Variants in MTMR12 observed in about 807,000 individuals in gnomAD.
MTMR12 encodes the protein myotubularin related protein 12.
A neutral mutation model predicts 96.7 loss-of-function variants in MTMR12; 33 were observed. That is an observed-to-expected ratio of 0.34 (90% CI 0.26 to 0.46). MTMR12 has a LOEUF of 0.46. Ranked by LOEUF, MTMR12 falls within the 20% of genes least tolerant of loss-of-function variation. MTMR12 has a pLI of 1.00. For synonymous variants in MTMR12, 298 were observed against 327.2 expected (o/e 0.91, Z 0.96); for missense variants, 721 against 896.1 (o/e 0.80, Z 2.49).
intron 5 of MTMR12, among the ~76,000 whole-genome samples, chr5:32,270,522 C>T (rs1749790004): frequency 6.6e-6 from 1 of 152,226 alleles, no homozygotes; most frequent in Non-Finnish European, 1.5e-5. Flanking sequence ...CTCATCCTTT[C>T]TTCATTTTCC....
intron 2 of MTMR12, among the ~76,000 whole-genome samples, chr5:32,275,278 C>T (rs1750007192): frequency 6.6e-6 from 1 of 152,100 alleles, no homozygotes; most frequent in Non-Finnish European, 1.5e-5. Context: ...CAAGAGATCA[C>T]AGTTTGAAGG....
intron 1 of MTMR12, among the ~76,000 whole-genome samples, chr5:32,304,888 G>C (rs1263184647): frequency 1.3e-5 from 2 of 152,180 alleles, no homozygotes; most frequent in Non-Finnish European, 2.9e-5. Context: ...ACGGGCAGGA[G>C]AGAAAAAGCA....
At chr5:32,252,712 T>C (rs1748985588) in intron 8 of MTMR12, among the ~76,000 whole-genome samples, 1 of 152,212 alleles carries the variant, frequency 6.6e-6, no homozygotes. Context: ...TAATTACCAA[T>C]TACCTGTTAC....
At chr5:32,306,789 T>C (rs188114711) in intron 1 of MTMR12, among the ~76,000 whole-genome samples, 1 of 152,312 alleles carries the variant, frequency 6.6e-6, no homozygotes, top group East Asian at 1.9e-4. Context: ...ATGAGTATAA[T>C]GGAGGCAGAG....
At chr5:32,247,485 G>A (rs1157435816) in intron 10 of MTMR12, among the ~76,000 whole-genome samples, 1 of 152,180 alleles carries the variant, frequency 6.6e-6, no homozygotes, top group Non-Finnish European at 1.5e-5. Flanking sequence ...TAGGCAGCCT[G>A]GGCAGGAAAA....
intron 8 of MTMR12, among the ~76,000 whole-genome samples, chr5:32,253,852 G>A (rs57798520): frequency 0.34 from 52,440 of 152,068 alleles, 9,307 homozygotes; most frequent in East Asian, 0.5. Context: ...TCAAACTCCC[G>A]GGTTCAAGCG....
intron 1 of MTMR12, among the ~76,000 whole-genome samples, chr5:32,288,405 A>T (rs1428507551): frequency 6.6e-6 from 1 of 152,180 alleles, no homozygotes; most frequent in Non-Finnish European, 1.5e-5. Context: ...GGCAGCTGCC[A>T]GGCAAGATAA....
chr5:32,260,899 C>T (rs1022507913), intron 7 of MTMR12, among the ~76,000 whole-genome samples: 1 of 151,678 alleles, frequency 6.6e-6, no homozygotes, highest in African/African-American at 2.4e-5. Flanking sequence ...AAAATGATAA[C>T]ATTCAAGTTT....
chr5:32,231,850 T>G (rs1171269706), intron 15 of MTMR12, among the ~76,000 whole-genome samples: 1 of 152,064 alleles, frequency 6.6e-6, no homozygotes, highest in Non-Finnish European at 1.5e-5. Flanking sequence ...GCCTGCTCGG[T>G]TCTGTGCTCA....
intron 8 of MTMR12, among the ~76,000 whole-genome samples, chr5:32,253,036 A>C (rs1381689989): frequency 6.6e-6 from 1 of 152,230 alleles, no homozygotes. Flanking sequence ...GATCACCTAA[A>C]GCAGGGGTTT....
Position 32,271,816 on chromosome 5 carries a change from GA to G in MTMR12, c.358+16del. 6.6e-7 allele frequency: 1 copy of G among 1,506,354 alleles called. No individual in the cohort carries two copies. The allele number at this position is 1,506,354 out of a possible 1,614,324, so 93.3% of individuals were successfully genotyped here. On this transcript the variant is annotated intron_variant, in intron 4 of 15. Coordinates refer to ENST00000382142, the MANE Select transcript of MTMR12 (RefSeq NM_001040446.3). ...TCTCAAAGGTTGCCAACACCCCAGGGAAAAACAGATACTTACCTCCATAAAT... is the reference window on the plus strand; with the variant it reads ...TCTCAAAGGTTGCCAACACCCCAGGGAAAACAGATACTTACCTCCATAAAT...
At position 32,312,109 on chromosome 5, in the gene MTMR12, TTGACC is replaced by T. The variant is rs573777565; in HGVS notation, c.81+644_81+648del. Among the ~76,000 whole-genome samples, 4 of 152,330 alleles carry T rather than the reference TTGACC, an allele frequency of 2.6e-5. No homozygotes were observed. In the South Asian group the frequency reaches 8.3e-4, roughly 32 times the overall value. On this transcript the variant is annotated intron_variant, in intron 1 of 15. Coordinates refer to ENST00000382142, the MANE Select transcript of MTMR12 (RefSeq NM_001040446.3). The surrounding 1 kb of genome is among the most constrained non-coding windows in gnomAD (Gnocchi z 5.0). Reference sequence around the variant, plus strand: ...TTTTCTGAATGAATGAACAAATTTCTTGACCTGAAGATTCAGAAGAGTAAGAAGTG... The same window carrying T: ...TTTTCTGAATGAATGAACAAATTTCTTGAAGATTCAGAAGAGTAAGAAGTG...
rs534197568 is a variant in MTMR12, at chr5:32,233,975, G to A, written c.1513-41C>T. On this transcript the variant is annotated intron_variant, in intron 14 of 15. Coordinates refer to ENST00000382142, the MANE Select transcript of MTMR12 (RefSeq NM_001040446.3). The surrounding 1 kb of genome is among the most constrained non-coding windows in gnomAD (Gnocchi z 5.0). Reference sequence around the variant, plus strand: ...CAGGTCATGCTGTTTTCCAGGGAGGGCTGAGGAAGGCAAACACATACTTCT... The same window carrying A: ...CAGGTCATGCTGTTTTCCAGGGAGGACTGAGGAAGGCAAACACATACTTCT... The A allele has an allele frequency of 6.2e-7, 1 of 1,611,134 alleles. No individual in the cohort carries two copies. The highest frequency in any genetic ancestry group is 1.3e-5 in the African/African-American group (1 of 74,956).
intron 14 of MTMR12, among the ~76,000 whole-genome samples, chr5:32,234,215 C>T (rs1015937505): frequency 1.3e-5 from 2 of 152,132 alleles, no homozygotes; most frequent in Non-Finnish European, 2.9e-5. Context: ...TCCAATTTTA[C>T]ATTTGAGGAA....
intron 1 of MTMR12, among the ~76,000 whole-genome samples, chr5:32,309,336 C>G (rs1263402040): frequency 6.6e-6 from 1 of 152,196 alleles, no homozygotes; most frequent in Non-Finnish European, 1.5e-5. Context: ...ACCCGACAAG[C>G]ATAGGCAACC....
At chr5:32,271,977 C>A in intron 3 of MTMR12, 72 bp from the exon 4 acceptor site, 2 of 919,326 alleles carry the variant, frequency 2.2e-6, no homozygotes, top group Non-Finnish European at 3.2e-6. Context: ...GAGTAAATCA[C>A]CATTCTCTAC....
chr5:32,286,771 G>A (rs942913816), intron 1 of MTMR12, among the ~76,000 whole-genome samples: 4 of 152,194 alleles, frequency 2.6e-5, no homozygotes, highest in African/African-American at 9.7e-5. Flanking sequence ...CCTGACAAGG[G>A]TTTATCTGAC....
At chr5:32,296,064 CAGG>C (rs1750910075) in intron 1 of MTMR12, among the ~76,000 whole-genome samples, 1 of 152,014 alleles carries the variant, frequency 6.6e-6, no homozygotes, top group African/African-American at 2.4e-5. Context: ...GAGGCTGAGG[CAGG>C]AGAATTGCTT....
chr5:32,234,008 G>GGGT (rs1320466439), intron 14 of MTMR12, 74 bp from the exon 15 acceptor site: 1 of 1,558,680 alleles, frequency 6.4e-7, no homozygotes, highest in Admixed American at 1.8e-5. Flanking sequence ...TCTGGACACA[G>GGGT]GCACCAGGAA....
Sources: allele counts gnomAD v4.1 joint callset (sites outside exome capture counted in the v4.1 genomes callset), GRCh38; gene constraint gnomAD v4.1.1; non-coding constraint Gnocchi (gnomAD v3.1); transcripts MANE v1.5; gene names NCBI Gene and HGNC (gene_info 2026-07-23, HGNC 2026-07-21).